The following PRKN variants were observed in gnomAD, a reference collection of about 807,000 sequenced individuals.
PRKN encodes the protein parkin RBR E3 ubiquitin protein ligase.
Under a neutral mutation model 59.5 loss-of-function variants are expected in PRKN, and 56 were observed. The ratio of observed to expected loss-of-function variants is 0.94; its 90% CI spans 0.76 to 1.18. PRKN has a LOEUF of 1.18. PRKN is among the 50% of genes most tolerant of loss of function. PRKN has a pLI of 0.00. For synonymous variants in PRKN, 250 were observed against 222.1 expected, an observed-to-expected ratio of 1.13 and a Z score of -1.12; for missense variants, 657 against 596.4, an observed-to-expected ratio of 1.10 and a Z score of -1.06.
At position 162,157,496 on chromosome 6, in the gene PRKN, G is replaced by A. The variant is rs116187998; in HGVS notation, c.534+43635C>T. Among the ~76,000 whole-genome samples the A allele has an allele frequency of 6.9e-3, 1,050 of 152,088 alleles. 21 individuals are homozygous for A. Among genetic ancestry groups the A allele is most frequent in the African/African-American group, 0.023 (974 of 41,474 alleles). Reference sequence around the variant, plus strand: ...CAAAAAGCTGCTCCAGCTGAAAGATGGTCTCTAAAAGTACTGACAAAAATG... The same window carrying A: ...CAAAAAGCTGCTCCAGCTGAAAGATAGTCTCTAAAAGTACTGACAAAAATG... On this transcript the variant is annotated intron_variant, in intron 4 of 11. Transcript: ENST00000366898.
intron 1 of PRKN, among the ~76,000 whole-genome samples, chr6:162,462,723 C>A (rs1356720957): frequency 2.0e-5 from 3 of 152,096 alleles, no homozygotes; most frequent in Non-Finnish European, 4.4e-5. Flanking sequence ...ACGGATCCAC[C>A]AGATAATTTT....
At chr6:162,286,487 T>C (rs1382080961) in intron 2 of PRKN, among the ~76,000 whole-genome samples, 1 of 152,188 alleles carries the variant, frequency 6.6e-6, no homozygotes, top group African/African-American at 2.4e-5. Context: ...CCACTGGCAT[T>C]ATACATGCAA....
intron 4 of PRKN, among the ~76,000 whole-genome samples, chr6:162,142,169 G>T (rs1378062807): frequency 1.3e-5 from 2 of 151,930 alleles, no homozygotes; most frequent in Non-Finnish European, 2.9e-5. Context: ...GAAATGGATA[G>T]AAAAAAAATG....
intron 7 of PRKN, among the ~76,000 whole-genome samples, chr6:161,696,354 C>A (rs997475687): frequency 6.6e-6 from 1 of 152,180 alleles, no homozygotes; most frequent in African/African-American, 2.4e-5. Context: ...CTAAAATCTG[C>A]TGAACAAATA....
At chr6:162,572,057 T>A (rs1400767308) in intron 1 of PRKN, among the ~76,000 whole-genome samples, 3 of 152,006 alleles carry the variant, frequency 2.0e-5, no homozygotes, top group African/African-American at 4.8e-5. Context: ...CTATCCCCCA[T>A]CTCATTACCC....
At chr6:162,606,649 T>TA (rs1226124530) in intron 1 of PRKN, among the ~76,000 whole-genome samples, 1 of 152,134 alleles carries the variant, frequency 6.6e-6, no homozygotes, top group Non-Finnish European at 1.5e-5. Context: ...GACTTGGTGA[T>TA]AGATTTGATA....
At chr6:162,036,262 T>G (rs1407775165) in intron 5 of PRKN, among the ~76,000 whole-genome samples, 1 of 151,584 alleles carries the variant, frequency 6.6e-6, no homozygotes, top group African/African-American at 2.4e-5. Flanking sequence ...AGGCGGAGCT[T>G]GCAGTGAGCC....
intron 7 of PRKN, among the ~76,000 whole-genome samples, chr6:161,629,174 G>C (rs148131961): frequency 6.6e-6 from 1 of 152,270 alleles, no homozygotes; most frequent in East Asian, 1.9e-4. Context: ...TCAGGAAGCA[G>C]GACAGACTCC....
Position 161,698,902 on chromosome 6 carries a change from C to G in PRKN, c.871+86870G>C, listed in dbSNP as rs150198849. Among the ~76,000 whole-genome samples, 591 of 152,198 alleles carry G rather than the reference C, an allele frequency of 3.9e-3. 3 individuals carry two copies. Among genetic ancestry groups the G allele is most frequent in the African/African-American group, 0.014 (562 of 41,544 alleles). On this transcript the variant is annotated intron_variant, in intron 7 of 11. Coordinates refer to ENST00000366898, the MANE Select transcript of PRKN (RefSeq NM_004562.3). ...AAGAACAAACTGACAAACTGGACTTCATCAAAGTGAAAAGATCTGCTCTTT... is the reference window on the plus strand; with the variant it reads ...AAGAACAAACTGACAAACTGGACTTGATCAAAGTGAAAAGATCTGCTCTTT...
intron 7 of PRKN, among the ~76,000 whole-genome samples, chr6:161,781,510 A>C (rs148631125): frequency 6.6e-6 from 1 of 152,360 alleles, no homozygotes; most frequent in East Asian, 1.9e-4. Context: ...AAACACAATT[A>C]ATATTTAGTA....
At chr6:162,245,444 A>G (rs549374771) in intron 3 of PRKN, among the ~76,000 whole-genome samples, 6 of 152,118 alleles carry the variant, frequency 3.9e-5, no homozygotes, top group Admixed American at 2.6e-4. Context: ...TGCTTCTCAC[A>G]TTAAGTAATA....
chr6:161,746,929 A>G lies in PRKN; in HGVS notation c.871+38843T>C, dbSNP rs185579998. On this transcript the variant is annotated intron_variant, in intron 7 of 11. Coordinates refer to ENST00000366898, the MANE Select transcript of PRKN (RefSeq NM_004562.3). ...ATAATACTGAAGCTGTCATGTGACTACCCTAGCAAAGATCTTATCCACAAA... is the reference window on the plus strand; with the variant it reads ...ATAATACTGAAGCTGTCATGTGACTGCCCTAGCAAAGATCTTATCCACAAA... Among the ~76,000 whole-genome samples, 1,108 of 151,476 alleles carry G rather than the reference A, an allele frequency of 7.3e-3. 14 individuals are homozygous for G. The highest frequency in any genetic ancestry group is 0.011 in the Non-Finnish European group (771 of 67,864).
chr6:162,358,956 A>G (rs181964136), intron 2 of PRKN, among the ~76,000 whole-genome samples: 1 of 150,924 alleles, frequency 6.6e-6, no homozygotes. Flanking sequence ...GATACTGAGG[A>G]GACTGAGTCA....
At chr6:162,414,725 A>G (rs148081753) in intron 2 of PRKN, among the ~76,000 whole-genome samples, 2 of 72,974 alleles carry the variant, frequency 2.7e-5, no homozygotes, top group Admixed American at 1.3e-4. Flanking sequence ...AAAAAAAAAA[A>G]AAGTGAATCT....
intron 1 of PRKN, among the ~76,000 whole-genome samples, chr6:162,488,301 A>T (rs898280944): frequency 6.6e-6 from 1 of 152,154 alleles, no homozygotes; most frequent in Non-Finnish European, 1.5e-5. Context: ...AAACGCCCCT[A>T]TGCCTGATCC....
intron 4 of PRKN, among the ~76,000 whole-genome samples, chr6:162,171,507 G>A (rs1179277766): frequency 4.6e-5 from 7 of 152,050 alleles, no homozygotes; most frequent in African/African-American, 1.2e-4. Context: ...GAAAATACTC[G>A]TATCTACAGT....
chr6:161,642,935 T>TG (rs1783796407), intron 7 of PRKN, among the ~76,000 whole-genome samples: 1 of 152,242 alleles, frequency 6.6e-6, no homozygotes, highest in Non-Finnish European at 1.5e-5. Context: ...ATCTACTTCT[T>TG]GGAGTGTCCA....
rs957893000 is a variant in PRKN, at chr6:162,320,319, C to T, written c.172-57554G>A. Among the ~76,000 whole-genome samples the T allele has an allele frequency of 5.3e-5, 7 of 131,240 alleles. No homozygotes were observed. In the South Asian group the frequency reaches 9.6e-4, roughly 18 times the overall value. 86.1% of individuals were successfully genotyped at this position (131,240 alleles called of 152,430 possible). ...TAATGATTTTTCCTTTGGGTAGATA[C>T]CCAGTAGTGGAATTTTAAAACTGTA... On this transcript the variant is annotated intron_variant, in intron 2 of 11. Transcript: ENST00000366898.
At chr6:161,672,164 G>A (rs1784933531) in intron 7 of PRKN, among the ~76,000 whole-genome samples, 1 of 152,078 alleles carries the variant, frequency 6.6e-6, no homozygotes, top group Admixed American at 6.5e-5. Flanking sequence ...TAAACTCTAG[G>A]CAGCACAGTC....
Sources: gnomAD v4.1 joint callset for allele counts (sites outside exome capture counted in the v4.1 genomes callset) on GRCh38, gnomAD v4.1.1 for gene constraint, MANE v1.5 for transcripts, NCBI Gene and HGNC (gene_info 2026-07-23, HGNC 2026-07-21) for gene names.